Variants in UNC13C observed in about 807,000 individuals in gnomAD.
The protein encoded by UNC13C is unc-13 homolog C.
A neutral mutation model predicts 245.4 loss-of-function variants in UNC13C; 174 were observed. The ratio of observed to expected loss-of-function variants is 0.71; its 90% CI spans 0.63 to 0.80. The LOEUF is 0.80. Ranked by LOEUF, UNC13C falls within the 30% of genes least tolerant of loss-of-function variation. The pLI, the probability that UNC13C is intolerant of heterozygous loss-of-function variation, is 0.00. For synonymous variants in UNC13C, 992 were observed against 895.1 expected, an observed-to-expected ratio of 1.11 and a Z score of -1.93; for missense variants, 2,829 against 2,602.9, an observed-to-expected ratio of 1.09 and a Z score of -1.89.
chr15:54,621,369 A>G (rs1465612041), intron 30 of UNC13C, among the ~76,000 whole-genome samples: 1 of 152,230 alleles, frequency 6.6e-6, no homozygotes, highest in Non-Finnish European at 1.5e-5. Flanking sequence ...ATAATAATTC[A>G]TTATAGTTTA....
At chr15:53,945,359 G>T in the UNC13C span, among the ~76,000 whole-genome samples, 1 of 152,140 alleles carries the variant, frequency 6.6e-6, no homozygotes, top group East Asian at 1.9e-4. Context: ...TTATCTTCTA[G>T]AGTTTTTATA....
intron 2 of UNC13C, among the ~76,000 whole-genome samples, chr15:54,065,220 G>C (rs997242591): frequency 6.6e-6 from 1 of 152,150 alleles, no homozygotes; most frequent in African/African-American, 2.4e-5. Flanking sequence ...CCTCTCTGTT[G>C]GTGGCCTGCC....
At chr15:54,504,266 C>T (rs750944537) in intron 22 of UNC13C, among the ~76,000 whole-genome samples, 24 of 152,128 alleles carry the variant, frequency 1.6e-4, no homozygotes, top group East Asian at 3.8e-4. Flanking sequence ...TGGTAAATGA[C>T]GCACACATAT....
intron 13 of UNC13C, 119 bp downstream of exon 13, chr15:54,300,492 T>C: frequency 2.0e-6 from 2 of 1,023,970 alleles, no homozygotes; most frequent in East Asian, 2.6e-5. Context: ...TATATTTCAC[T>C]GTGCATGTTT....
chr15:54,265,615 T>A, intron 10 of UNC13C, 119 bp downstream of exon 10: 1 of 724,124 alleles, frequency 1.4e-6, no homozygotes, highest in Non-Finnish European at 2.0e-6. Context: ...CCAAAAGTAA[T>A]AAAAAAGTAA....
chr15:54,191,804 G>A (rs1476499857), intron 4 of UNC13C, among the ~76,000 whole-genome samples: 1 of 152,100 alleles, frequency 6.6e-6, no homozygotes, highest in Non-Finnish European at 1.5e-5. Context: ...AATGACCAGT[G>A]GTGATGAGCT....
At chr15:54,412,840 TGA>T (rs1378915702) in intron 18 of UNC13C, among the ~76,000 whole-genome samples, 1 of 152,200 alleles carries the variant, frequency 6.6e-6, no homozygotes, top group Non-Finnish European at 1.5e-5. Context: ...GTAGAAATAC[TGA>T]GAGTCAACAT....
chr15:54,336,780 A>G (rs2038587661), intron 16 of UNC13C, among the ~76,000 whole-genome samples: 1 of 152,110 alleles, frequency 6.6e-6, no homozygotes, highest in Admixed American at 6.6e-5. Context: ...AATTAAATTG[A>G]CCATATATGT....
intron 19 of UNC13C, among the ~76,000 whole-genome samples, chr15:54,435,925 A>G (rs931624877): frequency 2.0e-5 from 3 of 151,992 alleles, no homozygotes; most frequent in Admixed American, 6.6e-5. Context: ...TGGGCAAACG[A>G]TATGAACAGA....
intron 30 of UNC13C, among the ~76,000 whole-genome samples, chr15:54,580,946 A>G (rs527586606): frequency 2.6e-5 from 4 of 152,274 alleles, no homozygotes; most frequent in African/African-American, 4.8e-5. Context: ...TCAAATAATC[A>G]TATATTTATT....
At chr15:54,603,536 C>T (rs1383564257) in intron 30 of UNC13C, among the ~76,000 whole-genome samples, 1 of 151,526 alleles carries the variant, frequency 6.6e-6, no homozygotes, top group Non-Finnish European at 1.5e-5. Flanking sequence ...AGCACTCCCA[C>T]CCCTGAAACC....
the UNC13C span, among the ~76,000 whole-genome samples, chr15:53,891,609 T>C: frequency 6.6e-6 from 1 of 152,224 alleles, no homozygotes; most frequent in South Asian, 2.1e-4. Flanking sequence ...TTTACCATTA[T>C]ATAATGTCCT....
rs182478070 is a variant in UNC13C at position 54,430,331 on chromosome 15, C to T, written c.4933+15264C>T. Among the ~76,000 whole-genome samples the T allele has an allele frequency of 1.7e-3, 263 of 151,768 alleles. 1 individual carries two copies. The highest frequency in any genetic ancestry group is 2.9e-3 in the Non-Finnish European group (195 of 67,734). ...GTTACTGCTTGATGACCAAGTCCAA[C>T]TGATATCAGCTATTAAAACTTTTGG... is the stretch of plus-strand genomic sequence containing the variant. On this transcript the variant is annotated intron_variant, in intron 19 of 32. Transcript: ENST00000260323.
At chr15:54,448,518 C>T (rs1890964563) in intron 19 of UNC13C, among the ~76,000 whole-genome samples, 1 of 152,148 alleles carries the variant, frequency 6.6e-6, no homozygotes. Flanking sequence ...GATCCCTTTA[C>T]CATTATGTAA....
intron 2 of UNC13C, among the ~76,000 whole-genome samples, chr15:54,087,223 T>A (rs1033827484): frequency 3.9e-5 from 6 of 152,018 alleles, no homozygotes; most frequent in African/African-American, 1.2e-4. Context: ...TGCAGTTTTT[T>A]TAAAAAAAAT....
intron 19 of UNC13C, among the ~76,000 whole-genome samples, chr15:54,437,968 A>ACTAT (rs1032551155): frequency 6.6e-6 from 1 of 151,870 alleles, no homozygotes; most frequent in Non-Finnish European, 1.5e-5. Context: ...GTATTCTTTG[A>ACTAT]CTATCTAAAA....
rs1893470982 is a variant in UNC13C at position 54,487,416 on chromosome 15, AC to A, written c.4934-7189del. 5.9e-5 allele frequency among the ~76,000 whole-genome samples: 9 copies of A among 152,226 alleles called. No homozygotes were observed. The South Asian group carries it at 1.9e-3, about 32-fold the overall frequency. ...AAGAAACTTCTATATCTTTTTTCTT[AC>A]CCTACAAAAATTAACTATATTTGTT... On this transcript the variant is annotated intron_variant, in intron 19 of 32. Coordinates refer to ENST00000260323, the MANE Select transcript of UNC13C (RefSeq NM_001080534.3).
At chr15:54,529,246 A>G (rs1895626007) in intron 25 of UNC13C, among the ~76,000 whole-genome samples, 1 of 152,196 alleles carries the variant, frequency 6.6e-6, no homozygotes, top group African/African-American at 2.4e-5. Flanking sequence ...GGCCTTAAAT[A>G]TGTACACAAA....
At chr15:54,314,067 G>A (rs2037945052) in intron 13 of UNC13C, among the ~76,000 whole-genome samples, 1 of 138,466 alleles carries the variant, frequency 7.2e-6, no homozygotes, top group South Asian at 2.3e-4. Context: ...ACTTATATGT[G>A]GCATCAAAAA....
Sources: gnomAD v4.1 joint callset for allele counts (sites outside exome capture counted in the v4.1 genomes callset) on GRCh38, gnomAD v4.1.1 for gene constraint, MANE v1.5 for transcripts, NCBI Gene and HGNC (gene_info 2026-07-23, HGNC 2026-07-21) for gene names.